ADGRB3: variants seen among roughly 807,000 people sequenced by gnomAD.
ADGRB3 encodes the protein brain-specific angiogenesis inhibitor 3.
In ADGRB3, 37 loss-of-function variants were observed where a neutral mutation model predicts 193.4. The observed-to-expected ratio is 0.19, with a 90% CI of 0.15 to 0.25. The LOEUF (loss-of-function observed/expected upper bound fraction) is 0.25, where lower values mean the gene tolerates loss of function less well. Among genes scored for constraint, ADGRB3 ranks in the 10% least tolerant of loss-of-function variants. The probability of loss-of-function intolerance (pLI) is 1.00; values close to 1 mark genes in which losing one functional copy is unlikely to be tolerated. For synonymous variants in ADGRB3, 690 were observed against 644.2 expected (o/e 1.07, Z -1.08); for missense variants, 1,637 against 1,852.9 (o/e 0.88, Z 2.14).
chr6:68,670,145 A>C (rs1056794062), intron 3 of ADGRB3, among the ~76,000 whole-genome samples: 5 of 151,704 alleles, frequency 3.3e-5, no homozygotes, highest in Non-Finnish European at 7.4e-5. Context: ...TAGTTGTTTG[A>C]GTTCCTTATA....
intron 17 of ADGRB3, among the ~76,000 whole-genome samples, chr6:69,142,473 CT>C (rs1774366746): frequency 6.6e-6 from 1 of 152,180 alleles, no homozygotes; most frequent in Non-Finnish European, 1.5e-5. Context: ...AGCATGAGGT[CT>C]TCCCTATATG....
At chr6:69,121,152 G>A (rs891931495) in intron 17 of ADGRB3, among the ~76,000 whole-genome samples, 38 of 151,956 alleles carry the variant, frequency 2.5e-4, no homozygotes, top group African/African-American at 7.7e-4. Context: ...AGGTCCCTGC[G>A]GCCTTCAGCA....
chr6:68,734,697 G>A (rs1335061357), intron 3 of ADGRB3, among the ~76,000 whole-genome samples: 1 of 152,028 alleles, frequency 6.6e-6, no homozygotes, highest in East Asian at 1.9e-4. Context: ...AAGCTACTAG[G>A]CAAAGTAGTT....
chr6:69,228,190 G>A (rs142873430), intron 17 of ADGRB3, among the ~76,000 whole-genome samples: 1,652 of 152,302 alleles, frequency 0.011, 33 homozygotes, highest in African/African-American at 0.038. Context: ...CCAGGAGGCG[G>A]AGGTTGCAGT....
At chr6:69,385,389 G>T (rs969021817) in intron 31 of ADGRB3, among the ~76,000 whole-genome samples, 1 of 151,912 alleles carries the variant, frequency 6.6e-6, no homozygotes, top group African/African-American at 2.4e-5. Context: ...GAGGGAGGGA[G>T]GGACTTATCC....
intron 17 of ADGRB3, among the ~76,000 whole-genome samples, chr6:69,154,687 G>A (rs1000715266): frequency 5.3e-5 from 8 of 152,122 alleles, no homozygotes; most frequent in African/African-American, 1.4e-4. Context: ...CTCTGCTAAC[G>A]TATAGGTCTA....
At chr6:68,646,660 T>G (rs762329028) in intron 3 of ADGRB3, among the ~76,000 whole-genome samples, 5 of 152,090 alleles carry the variant, frequency 3.3e-5, no homozygotes, top group Admixed American at 6.6e-5. Context: ...CTGGAGAACA[T>G]TTTATTTTAT....
At position 69,324,740 on chromosome 6, in the gene ADGRB3, A is replaced by G. The variant is rs1172563804; in HGVS notation, c.2815-132A>G. Reference sequence around the variant, plus strand: ...GGGTTTATAATTTCTGTAAATAATTACTCTTGTCACTGAGGAGAAGTAGAT... The same window carrying G: ...GGGTTTATAATTTCTGTAAATAATTGCTCTTGTCACTGAGGAGAAGTAGAT... On this transcript the variant is annotated intron_variant, in intron 20 of 31. Coordinates refer to ENST00000370598, the MANE Select transcript of ADGRB3 (RefSeq NM_001704.3). 4 of 996,174 alleles carry G rather than the reference A, an allele frequency of 4.0e-6. No homozygotes were observed. The East Asian group carries it at 7.8e-5, about 19-fold the overall frequency. 61.7% of individuals were successfully genotyped at this position (996,174 alleles called of 1,614,324 possible). A position where few individuals can be genotyped will look rare whatever the true frequency, so the allele number is the denominator to read the frequency against.
At chr6:69,133,167 C>A (rs1364035452) in intron 17 of ADGRB3, among the ~76,000 whole-genome samples, 1 of 152,052 alleles carries the variant, frequency 6.6e-6, no homozygotes, top group African/African-American at 2.4e-5. Flanking sequence ...TGAAGAAAGT[C>A]AATGGTAGCT....
intron 6 of ADGRB3, among the ~76,000 whole-genome samples, chr6:68,948,356 G>A (rs1306071466): frequency 1.3e-5 from 2 of 151,960 alleles, no homozygotes; most frequent in Non-Finnish European, 2.9e-5. Context: ...CCCCCTCTAC[G>A]GTGATTTGAT....
intron 17 of ADGRB3, among the ~76,000 whole-genome samples, chr6:69,138,082 A>G (rs1441079726): frequency 6.6e-6 from 1 of 152,224 alleles, no homozygotes. Flanking sequence ...AACGGTACCC[A>G]TCATTTCCAT....
rs150246343 is a variant in ADGRB3, at chr6:68,669,646, GTGTGTA to G, written c.757+30216_757+30221del. Among the ~76,000 whole-genome samples the G allele has an allele frequency of 2.5e-3, 335 of 136,680 alleles. 4 individuals are homozygous for G. Among genetic ancestry groups the G allele is most frequent in the African/African-American group, 8.9e-3 (311 of 35,112 alleles). 89.7% of individuals were successfully genotyped at this position (136,680 alleles called of 152,430 possible). A position where few individuals can be genotyped will look rare whatever the true frequency, so the allele number is the denominator to read the frequency against. The stretch of plus-strand genomic sequence containing the variant: ...TGTGTGTGTGTGTGTGTGTGTGTGT[GTGTGTA>G]TACCAAATTTTCTTTATCCATTCAT... On this transcript the variant is annotated intron_variant, in intron 3 of 31. Coordinates refer to ENST00000370598, the MANE Select transcript of ADGRB3 (RefSeq NM_001704.3).
Position 69,156,782 on chromosome 6 carries a change from A to G in ADGRB3, c.2481-76508A>G, listed in dbSNP as rs539992075. Among the ~76,000 whole-genome samples the G allele has an allele frequency of 5.3e-5, 8 of 152,358 alleles. No individual in the cohort carries two copies. The East Asian group carries it at 1.5e-3, about 29-fold the overall frequency. On this transcript the variant is annotated intron_variant, in intron 17 of 31. Coordinates refer to ENST00000370598, the MANE Select transcript of ADGRB3 (RefSeq NM_001704.3). ...AAATTTTGCTAAAGCTACACCAGCT[A>G]ATTGTCAATTTTATCACTGAATGTT...
intron 3 of ADGRB3, among the ~76,000 whole-genome samples, chr6:68,854,332 T>A (rs1764896040): frequency 6.6e-6 from 1 of 152,182 alleles, no homozygotes; most frequent in Non-Finnish European, 1.5e-5. Context: ...TAGCATGGTT[T>A]CTATAATTAA....
intron 3 of ADGRB3, among the ~76,000 whole-genome samples, chr6:68,664,268 GATATT>G (rs1376884295): frequency 2.0e-5 from 3 of 151,634 alleles, no homozygotes; most frequent in Admixed American, 6.6e-5. Context: ...AGATGTGTTT[GATATT>G]ATATTTAGGA....
intron 11 of ADGRB3, among the ~76,000 whole-genome samples, chr6:68,999,623 T>C (rs140251545): frequency 2.5e-3 from 377 of 152,326 alleles, no homozygotes; most frequent in Non-Finnish European, 4.4e-3. Flanking sequence ...AGATATCTTT[T>C]GTTGTTGTTG....
intron 12 of ADGRB3, among the ~76,000 whole-genome samples, chr6:69,017,768 G>A (rs1483804290): frequency 6.6e-6 from 1 of 151,814 alleles, no homozygotes; most frequent in Non-Finnish European, 1.5e-5. Flanking sequence ...ACCTTCTTGA[G>A]GTCTTGCTTC....
intron 3 of ADGRB3, among the ~76,000 whole-genome samples, chr6:68,661,434 T>TATATATATGTGTGTATAC (rs1172547693): frequency 1.2e-5 from 1 of 83,390 alleles, no homozygotes; most frequent in Non-Finnish European, 2.4e-5. Flanking sequence ...TGTGTATACA[T>TATATATATGTGTGTATAC]ATATATATGT....
rs75370932 is a variant in ADGRB3, at chr6:69,366,767, C to G, written c.4239+5255C>G. Among the ~76,000 whole-genome samples, 508 of 152,164 alleles carry G rather than the reference C, an allele frequency of 3.3e-3. 2 individuals carry two copies. The highest frequency in any genetic ancestry group is 0.011 in the African/African-American group (476 of 41,524). On this transcript the variant is annotated intron_variant, in intron 29 of 31. Transcript: ENST00000370598. ...AGAGTATGCCCAAGCAAAGCAGCAA[C>G]AACAAAACAAAAATAAAAAGTCACA...
Sources: gnomAD v4.1 joint callset for allele counts (sites outside exome capture counted in the v4.1 genomes callset) on GRCh38, gnomAD v4.1.1 for gene constraint, MANE v1.5 for transcripts, NCBI Gene and HGNC (gene_info 2026-07-23, HGNC 2026-07-21) for gene names.